Variants in NAALADL2 observed in about 807,000 individuals in gnomAD.
NAALADL2 encodes the protein inactive N-acetylated-alpha-linked acidic dipeptidase-like protein 2.
A neutral mutation model predicts 87.2 loss-of-function variants in NAALADL2; 76 were observed. That is an observed-to-expected ratio of 0.87 (90% confidence interval 0.72 to 1.05). The LOEUF (loss-of-function observed/expected upper bound fraction) is 1.05, where lower values mean the gene tolerates loss of function less well. Ranked by LOEUF, NAALADL2 falls within the 50% of genes least tolerant of loss-of-function variation. The probability of loss-of-function intolerance (pLI) is 0.00; values close to 1 mark genes in which losing one functional copy is unlikely to be tolerated. For missense variants in NAALADL2, 1,089 were observed against 945.8 expected, an observed-to-expected ratio of 1.15 and a Z score of -1.99; for synonymous variants, 354 against 331.0, an observed-to-expected ratio of 1.07 and a Z score of -0.75.
At chr3:175,121,930 TCTG>T (rs202184942) in intron 2 of NAALADL2, among the ~76,000 whole-genome samples, 3,102 of 152,002 alleles carry the variant, frequency 0.02, 52 homozygotes, top group Admixed American at 0.031. Flanking sequence ...CATTCTTGTA[TCTG>T]TGATCTCTGC....
At chr3:175,680,097 T>C (rs1735384050) in intron 11 of NAALADL2, among the ~76,000 whole-genome samples, 1 of 152,212 alleles carries the variant, frequency 6.6e-6, no homozygotes, top group African/African-American at 2.4e-5. Flanking sequence ...GCCCTGAGGT[T>C]GACAGCGATT....
At chr3:174,611,614 C>T (rs990083950) in intron 2 of NAALADL2, among the ~76,000 whole-genome samples, 6 of 151,986 alleles carry the variant, frequency 3.9e-5, no homozygotes, top group East Asian at 1.9e-4. Flanking sequence ...TTTTTTGAGA[C>T]GGAGTCTTGC....
intron 1 of NAALADL2, among the ~76,000 whole-genome samples, chr3:175,088,465 A>T (rs1719474739): frequency 6.6e-6 from 1 of 152,222 alleles, no homozygotes; most frequent in East Asian, 1.9e-4. Flanking sequence ...TCGGAAAATA[A>T]AAAGTGCAGA....
intron 1 of NAALADL2, among the ~76,000 whole-genome samples, chr3:175,049,571 A>C (rs1755106691): frequency 6.6e-6 from 1 of 152,182 alleles, no homozygotes; most frequent in Non-Finnish European, 1.5e-5. Context: ...AGACTGTAGC[A>C]CCATGGCCAC....
Position 175,413,045 on chromosome 3 carries a change from C to T in NAALADL2, c.1091-34184C>T, listed in dbSNP as rs569933733. Among the ~76,000 whole-genome samples the T allele has an allele frequency of 5.3e-5, 8 of 149,662 alleles. No individual in the cohort carries two copies. The South Asian group carries it at 6.5e-4, about 12-fold the overall frequency. The stretch of plus-strand genomic sequence containing the variant: ...GCCATTCTCCTGCCTCAGCTTCCCA[C>T]GCCCGGTTAATTTTTTTGTATTTTT... On this transcript the variant is annotated intron_variant, in intron 5 of 13. Coordinates refer to ENST00000454872, the MANE Select transcript of NAALADL2 (RefSeq NM_207015.3).
intron 1 of NAALADL2, among the ~76,000 whole-genome samples, chr3:174,900,522 C>A (rs755337585): frequency 6.6e-6 from 1 of 151,660 alleles, no homozygotes; most frequent in Non-Finnish European, 1.5e-5. Context: ...AGATAAAAAT[C>A]CTTAAAATTC....
chr3:175,674,261 T>G (rs983366515), intron 11 of NAALADL2, among the ~76,000 whole-genome samples: 9 of 124,274 alleles, frequency 7.2e-5, no homozygotes, highest in African/African-American at 3.6e-4. Context: ...TTTTTTTTTG[T>G]TTGTTTTGTT....
intron 3 of NAALADL2, among the ~76,000 whole-genome samples, chr3:174,850,002 A>C (rs112503001): frequency 0.023 from 3,521 of 152,182 alleles, 112 homozygotes; most frequent in African/African-American, 0.069. Context: ...AGTTTTTATA[A>C]CTTCAGGTAA....
intron 11 of NAALADL2, among the ~76,000 whole-genome samples, chr3:175,667,232 A>C (rs925938111): frequency 2.8e-5 from 3 of 105,640 alleles, no homozygotes; most frequent in Admixed American, 2.5e-4. Flanking sequence ...AGAAAGAAAG[A>C]AAGAAAGAAA....
At chr3:175,359,027 A>G (rs1764692766) in intron 5 of NAALADL2, among the ~76,000 whole-genome samples, 1 of 152,060 alleles carries the variant, frequency 6.6e-6, no homozygotes, top group African/African-American at 2.4e-5. Context: ...CTGGCTCAAC[A>G]CTTATTATTG....
chr3:175,130,569 C>T (rs1344833756), intron 2 of NAALADL2, among the ~76,000 whole-genome samples: 1 of 152,190 alleles, frequency 6.6e-6, no homozygotes, highest in Non-Finnish European at 1.5e-5. Context: ...TATAGATATT[C>T]AGCATTCCCA....
intron 1 of NAALADL2, among the ~76,000 whole-genome samples, chr3:174,955,838 T>C (rs1350804360): frequency 1.3e-5 from 2 of 151,918 alleles, no homozygotes; most frequent in Admixed American, 1.3e-4. Context: ...CTCGCTGGGG[T>C]GGGGCCCCTG....
chr3:174,957,048 C>G (rs1741246649), intron 1 of NAALADL2, among the ~76,000 whole-genome samples: 1 of 151,938 alleles, frequency 6.6e-6, no homozygotes, highest in Non-Finnish European at 1.5e-5. Context: ...TCTCCCTGTT[C>G]TGTTATGGTA....
intron 11 of NAALADL2, among the ~76,000 whole-genome samples, chr3:175,733,130 G>A (rs1325290363): frequency 6.6e-6 from 1 of 152,134 alleles, no homozygotes; most frequent in African/African-American, 2.4e-5. Context: ...GATAGAAGAA[G>A]ATCAAATTGA....
chr3:174,607,690 C>G (rs138348330), intron 2 of NAALADL2, among the ~76,000 whole-genome samples: 80,796 of 151,592 alleles, frequency 0.53, 22,275 homozygotes, highest in Non-Finnish European at 0.6. Flanking sequence ...CCTACAAAGA[C>G]ACTTAGACTC....
chr3:175,199,845 TATATATATATATATA>T (rs1739639454), intron 2 of NAALADL2, among the ~76,000 whole-genome samples: 4 of 17,304 alleles, frequency 2.3e-4, no homozygotes, highest in African/African-American at 2.9e-4. Flanking sequence ...TATATATATA[TATATATATATATATA>T]TATATTTTTT....
intron 9 of NAALADL2, among the ~76,000 whole-genome samples, chr3:175,496,744 G>A (rs1470116550): frequency 6.6e-6 from 1 of 151,766 alleles, no homozygotes; most frequent in Non-Finnish European, 1.5e-5. Flanking sequence ...TTTTTTTGCA[G>A]AGACAGGGTT....
chr3:175,114,582 T>C (rs964403299), intron 2 of NAALADL2, among the ~76,000 whole-genome samples: 2 of 151,694 alleles, frequency 1.3e-5, no homozygotes, highest in African/African-American at 4.8e-5. Flanking sequence ...CTATTCCTTA[T>C]GATACTCTGA....
chr3:175,232,473 A>G (rs1182850796), intron 2 of NAALADL2, among the ~76,000 whole-genome samples: 3 of 152,144 alleles, frequency 2.0e-5, no homozygotes, highest in African/African-American at 7.2e-5. Context: ...GGGGTGTCCA[A>G]TCATTTAGCT....
Sources: gnomAD v4.1 joint callset for allele counts (sites outside exome capture counted in the v4.1 genomes callset) on GRCh38, gnomAD v4.1.1 for gene constraint, MANE v1.5 for transcripts, NCBI Gene and HGNC (gene_info 2026-07-23, HGNC 2026-07-21) for gene names.